Variants in EPHA4 observed in about 807,000 individuals in gnomAD.
EPHA4 encodes EPH receptor A4.
Under a neutral mutation model 108.3 loss-of-function variants are expected in EPHA4, and 19 were observed. The observed-to-expected ratio is 0.18, with a 90% CI of 0.12 to 0.26. The LOEUF (loss-of-function observed/expected upper bound fraction) is 0.26. EPHA4 is among the 10% of genes least tolerant of loss of function. EPHA4 has a pLI of 1.00. For synonymous variants in EPHA4, 449 were observed against 455.5 expected, an observed-to-expected ratio of 0.99 and a Z score of 0.18; for missense variants, 917 against 1,254.0, an observed-to-expected ratio of 0.73 and a Z score of 4.06.
chr2:221,442,798 C>G (rs763023350), intron 11 of EPHA4, 31 bp downstream of exon 11: 1 of 1,610,054 alleles, frequency 6.2e-7, no homozygotes, highest in South Asian at 1.1e-5. Context: ...TAACTTCTAG[C>G]TTGGCTTTGT....
At chr2:221,517,955 G>T (rs1343518389) in intron 3 of EPHA4, among the ~76,000 whole-genome samples, 1 of 152,278 alleles carries the variant, frequency 6.6e-6, no homozygotes, top group Admixed American at 6.5e-5. Context: ...GGAACTAAGG[G>T]TGCAGCTGAC....
At chr2:221,544,558 T>A (rs1398852776) in intron 3 of EPHA4, among the ~76,000 whole-genome samples, 1 of 152,170 alleles carries the variant, frequency 6.6e-6, no homozygotes, top group African/African-American at 2.4e-5. Flanking sequence ...ACTCCTGACC[T>A]CAGGTGATCC....
At chr2:221,461,209 A>T (rs1045268869) in intron 5 of EPHA4, among the ~76,000 whole-genome samples, 2 of 152,192 alleles carry the variant, frequency 1.3e-5, no homozygotes, top group African/African-American at 2.4e-5. Context: ...GGGCAATTCA[A>T]TATTACATAA....
At chr2:221,536,976 C>T (rs999418546) in intron 3 of EPHA4, among the ~76,000 whole-genome samples, 1 of 152,122 alleles carries the variant, frequency 6.6e-6, no homozygotes, top group Non-Finnish European at 1.5e-5. Flanking sequence ...AAATACATAG[C>T]GACCTTAACA....
chr2:221,436,940 CT>C, intron 12 of EPHA4, 120 bp downstream of exon 12: 1 of 762,138 alleles, frequency 1.3e-6, no homozygotes, highest in Non-Finnish European at 2.2e-6. Flanking sequence ...CATTTCTCCT[CT>C]TCTTTCTTTG....
chr2:221,464,246 T>C (rs1368186949), intron 5 of EPHA4, among the ~76,000 whole-genome samples: 2 of 152,178 alleles, frequency 1.3e-5, no homozygotes, highest in Non-Finnish European at 2.9e-5. Flanking sequence ...TTTATACATA[T>C]CTCTGCTTAA....
intron 3 of EPHA4, among the ~76,000 whole-genome samples, chr2:221,505,429 G>A (rs950158043): frequency 3.3e-5 from 5 of 151,960 alleles, no homozygotes; most frequent in Non-Finnish European, 4.4e-5. Context: ...GGGTTCAAGC[G>A]ATTCCCCTGC....
Position 221,457,905 on chromosome 2 carries a change from A to G in EPHA4, c.1404T>C (p.Asn468=), listed in dbSNP as rs765434035. The G allele has an allele frequency of 6.2e-7, 1 of 1,613,908 alleles. No individual in the cohort carries two copies. Residue 468 remains asparagine, a synonymous_variant, in exon 6 of 18, where the codon AAT becomes AAC. Coordinates refer to ENST00000281821, the MANE Select transcript of EPHA4 (RefSeq NM_004438.5). ...TGACTTCATATTCCAGGATTACCCCATTGGGCCGATCTGGTTCCAGCCAAG... is the reference window on the plus strand; with the variant it reads ...TGACTTCATATTCCAGGATTACCCCGTTGGGCCGATCTGGTTCCAGCCAAG... The part of the protein sequence containing the change: ...ALAWLEPDRP[N]GVILEYEVKY...
At chr2:221,440,928 C>T (rs989450619) in intron 11 of EPHA4, among the ~76,000 whole-genome samples, 4 of 152,162 alleles carry the variant, frequency 2.6e-5, no homozygotes, top group Admixed American at 2.6e-4. Flanking sequence ...ATACCAGCAG[C>T]ATTGGCTTCA....
At chr2:221,521,142 T>G (rs953105754) in intron 3 of EPHA4, among the ~76,000 whole-genome samples, 1 of 152,260 alleles carries the variant, frequency 6.6e-6, no homozygotes, top group African/African-American at 2.4e-5. Flanking sequence ...CTTGTAAGAA[T>G]TCTTCCCTAT....
intron 3 of EPHA4, among the ~76,000 whole-genome samples, chr2:221,523,987 C>A (rs1303562881): frequency 1.3e-5 from 2 of 152,000 alleles, no homozygotes; most frequent in East Asian, 3.9e-4. Context: ...TGGAAAGAAA[C>A]AAACAAAGCA....
At chr2:221,474,282 G>A (rs879345889) in intron 5 of EPHA4, among the ~76,000 whole-genome samples, 20 of 152,122 alleles carry the variant, frequency 1.3e-4, no homozygotes, top group Admixed American at 6.5e-4. Flanking sequence ...AAGAGGCTGC[G>A]CCATTGTATA....
chr2:221,457,030 T>C (rs1449768827), intron 6 of EPHA4, among the ~76,000 whole-genome samples: 3 of 152,220 alleles, frequency 2.0e-5, no homozygotes, highest in Non-Finnish European at 4.4e-5. Context: ...ACTCTTTTTT[T>C]TTGAAAGGAA....
chr2:221,464,974 T>C (rs907724229), intron 5 of EPHA4, among the ~76,000 whole-genome samples: 6 of 152,344 alleles, frequency 3.9e-5, no homozygotes, highest in African/African-American at 1.4e-4. Context: ...GTGAATTAAA[T>C]GAAGTTCATT....
chr2:221,551,892 T>A (rs111932411), intron 3 of EPHA4, among the ~76,000 whole-genome samples: 2,455 of 152,128 alleles, frequency 0.016, 27 homozygotes, highest in Non-Finnish European at 0.022. Flanking sequence ...GTATCAGTGC[T>A]AATTTTAAAC....
chr2:221,469,616 T>C (rs535133728), intron 5 of EPHA4, among the ~76,000 whole-genome samples: 1 of 152,278 alleles, frequency 6.6e-6, no homozygotes. Flanking sequence ...CATCACTATC[T>C]CAGTGATGGT....
chr2:221,431,601 G>A (rs181506081), intron 14 of EPHA4, among the ~76,000 whole-genome samples: 33 of 152,194 alleles, frequency 2.2e-4, no homozygotes, highest in African/African-American at 7.2e-4. Context: ...ATTACACTAC[G>A]TCAGTTTGAT....
At chr2:221,504,344 T>TGGAGGAGGAGAAGAA (rs1553581285) in intron 3 of EPHA4, among the ~76,000 whole-genome samples, 29 of 151,444 alleles carry the variant, frequency 1.9e-4, no homozygotes, top group Middle Eastern at 6.9e-3. Flanking sequence ...TAAAAAAAGA[T>TGGAGGAGGAGAAGAA]GGAGGAGGAG....
intron 4 of EPHA4, among the ~76,000 whole-genome samples, chr2:221,491,721 C>T (rs1388796291): frequency 2.0e-5 from 3 of 152,040 alleles, no homozygotes; most frequent in Non-Finnish European, 4.4e-5. Flanking sequence ...TGCCTTGTTC[C>T]TACCTTCTGT....
Sources: allele counts gnomAD v4.1 joint callset (sites outside exome capture counted in the v4.1 genomes callset), GRCh38; gene constraint gnomAD v4.1.1; transcripts MANE v1.5; gene names NCBI Gene and HGNC (gene_info 2026-07-23, HGNC 2026-07-21).